PLEC: variants seen among roughly 807,000 people sequenced by gnomAD.
PLEC encodes plectin, also known as hemidesmosomal protein 1.
A neutral mutation model predicts 392.8 loss-of-function variants in PLEC; 216 were observed. The observed-to-expected ratio is 0.55, with a 90% CI of 0.49 to 0.62. The LOEUF (loss-of-function observed/expected upper bound fraction) is 0.62. Among genes scored for constraint, PLEC ranks in the 20% least tolerant of loss-of-function variants. The probability of loss-of-function intolerance (pLI) is 0.00; values close to 1 mark genes in which losing one functional copy is unlikely to be tolerated. For synonymous variants in PLEC, 3,621 were observed against 2,980.6 expected, an observed-to-expected ratio of 1.21 and a Z score of -7.00; for missense variants, 6,863 against 6,563.4, an observed-to-expected ratio of 1.05 and a Z score of -1.58.
At position 143,922,963 on chromosome 8, in the gene PLEC, G is replaced by A. The variant is rs782512705; in HGVS notation, c.6966C>T (p.Ala2322=). ...LKEKMQAVQE[A]TRLKAEAELL... The stretch of plus-strand genomic sequence containing the variant: ...GTTCCGCCTCAGCCTTGAGTCGCGT[G>A]GCCTCCTGCACCGCCTGCATCTTCT... The change falls in exon 31 of 32, where the codon GCC becomes GCT. Residue 2322 remains alanine (A), a synonymous_variant. Coordinates refer to ENST00000345136, the MANE Select transcript of PLEC (RefSeq NM_201384.3). 4 of 1,610,606 alleles carry A rather than the reference G, an allele frequency of 2.5e-6. No homozygotes were observed. Among genetic ancestry groups the A allele is most frequent in the Admixed American group, 1.7e-5 (1 of 59,752 alleles).
rs375376175 is a variant in PLEC at position 143,922,214 on chromosome 8, C to T, written c.7607G>A (p.Arg2536Gln). The change falls in exon 32 of 32, where the codon CGG (arginine) becomes CAG (glutamine). Residue 2536 changes from arginine (R) to glutamine (Q), a missense_variant. Arg to Gln is a conservative substitution (Grantham distance 43). Coordinates refer to ENST00000345136, the MANE Select transcript of PLEC (RefSeq NM_201384.3). ...KAQQLREEQQ[R>Q]QQQQMEQERQ... ...TTCCTGCTCCATCTGCTGCTGCTGC[C>T]GCTGCTGCTCCTCACGCAGCTGCTG... 111 of 1,561,922 alleles carry T rather than the reference C, an allele frequency of 7.1e-5. No homozygotes were observed. In the South Asian group the frequency reaches 9.9e-4, roughly 14 times the overall value.
intron 5 of PLEC, among the ~76,000 whole-genome samples, chr8:143,936,358 G>C (rs890393982): frequency 2.0e-5 from 3 of 152,258 alleles, no homozygotes; most frequent in Non-Finnish European, 2.9e-5. Flanking sequence ...GGATGGAGCA[G>C]AGTGGAAGGG....
At chr8:143,964,170 A>G (rs782614846) in intron 1 of PLEC, among the ~76,000 whole-genome samples, 2 of 152,176 alleles carry the variant, frequency 1.3e-5, no homozygotes, top group Non-Finnish European at 2.9e-5. Context: ...GCATGTTGGC[A>G]TAAGAAACAT....
Position 143,934,924 on chromosome 8 carries a change from C to T in PLEC, c.831G>A (p.Leu277=), listed in dbSNP as rs533254834. 1.4e-4 allele frequency: 228 copies of T among 1,611,244 alleles called. 4 individuals carry two copies. In the South Asian group the frequency reaches 2.5e-3, roughly 17 times the overall value. The change falls in exon 9 of 32, where the codon CTG becomes CTA. Residue 277 remains leucine (L), a synonymous_variant. Transcript: ENST00000345136. ...CCCGGTACTCCTGCCAGCGCAGCTGCAGCTCCTGCGGGCAGGCACGGGCGG... is the reference window on the plus strand; with the variant it reads ...CCCGGTACTCCTGCCAGCGCAGCTGTAGCTCCTGCGGGCAGGCACGGGCGG... ...DVQDGVRANE[L]QLRWQEYREL...
intron 25 of PLEC, 61 bp from the exon 26 acceptor site, chr8:143,928,053 G>A: frequency 1.3e-6 from 2 of 1,528,334 alleles, no homozygotes; most frequent in South Asian, 1.2e-5. Context: ...CCAAGGGAAT[G>A]GAACCCAAGC....
chr8:143,950,126 C>G (rs1831975273), intron 1 of PLEC: 1 of 1,457,082 alleles, frequency 6.9e-7, no homozygotes. Context: ...GGCCCAAGAC[C>G]CGACAACCAG....
At position 143,916,203 on chromosome 8, in the gene PLEC, C is replaced by G; in HGVS notation, c.13618G>C (p.Gly4540Arg). ...RYASGSSASL[G>R]GPESAVA ...CAGGCCACGGCAGACTCAGGGCCCCCCAGGGAGGCCGAGGACCCCGAGGCG... is the reference window on the plus strand; with the variant it reads ...CAGGCCACGGCAGACTCAGGGCCCCGCAGGGAGGCCGAGGACCCCGAGGCG... Residue 4540 changes from glycine (G) to arginine (R), a missense_variant, in exon 32 of 32, where the codon GGG becomes CGG. Coordinates refer to ENST00000345136, the MANE Select transcript of PLEC (RefSeq NM_201384.3). 1 of 1,543,948 alleles carries G rather than the reference C, an allele frequency of 6.5e-7. No individual in the cohort carries two copies. Among genetic ancestry groups the G allele is most frequent in the African/African-American group, 1.4e-5 (1 of 72,868 alleles).
chr8:143,926,964 G>T lies in PLEC; in HGVS notation c.3945+13C>A, dbSNP rs782700651. The T allele has an allele frequency of 6.2e-7, 1 of 1,610,756 alleles. No homozygotes were observed. The highest frequency in any genetic ancestry group is 8.5e-7 in the Non-Finnish European group (1 of 1,177,728). On this transcript the variant is annotated intron_variant, in intron 29 of 31. Transcript: ENST00000345136. ...GCCAGCCCCTCACCCAGTTAGGTTCGGCCCCACCCTACCTCCTGGATGACA... is the reference window on the plus strand; with the variant it reads ...GCCAGCCCCTCACCCAGTTAGGTTCTGCCCCACCCTACCTCCTGGATGACA...
exon 1 of PLEC, chr8:143,950,212 C>T: frequency 1.3e-6 from 2 of 1,547,482 alleles, no homozygotes; most frequent in Non-Finnish European, 1.8e-6. Context: ...CCGGGCCTGG[C>T]CTGGCCAGGG....
At position 143,923,271 on chromosome 8, in the gene PLEC, CGGCCTCCGT is replaced by C. The variant is rs782190800; in HGVS notation, c.6649_6657del (p.Thr2217_Ala2219del). On this transcript the variant is annotated inframe_deletion, in exon 31 of 32. Transcript: ENST00000345136. ...TCCTCCACCTGGCTGCGCTGGCGTG[CGGCCTCCGT>C]GGCCTCCGCCTTCAGCCGCTGCAGC... is the stretch of plus-strand genomic sequence containing the variant. 1 of 1,606,800 alleles carries C rather than the reference CGGCCTCCGT, an allele frequency of 6.2e-7. No homozygotes were observed. The highest frequency in any genetic ancestry group is 8.5e-7 in the Non-Finnish European group (1 of 1,179,826).
Position 143,930,457 on chromosome 8 carries a change from T to A in PLEC, c.2384A>T (p.Lys795Met), listed in dbSNP as rs782541394. Residue 795 changes from lysine (K) to methionine (M), a missense_variant, in exon 20 of 32, where the codon AAG becomes ATG. By Grantham distance (95) the Lys-to-Met change is moderately conservative (BLOSUM62 -1). Coordinates refer to ENST00000345136, the MANE Select transcript of PLEC (RefSeq NM_201384.3). ...CATGGGGTGGGCTGGGTGGCGGGGC[T>A]TCAGCTGCACGACGGCCTTGGCCCG... ...AKRAKAVVQL[K>M]PRHPAHPMRG... 2 of 1,582,922 alleles carry A rather than the reference T, an allele frequency of 1.3e-6. No homozygotes were observed. The highest frequency in any genetic ancestry group is 2.3e-5 in the South Asian group (2 of 87,510).
intron 4 of PLEC, 24 bp downstream of exon 4, chr8:143,937,141 C>G (rs544982589): frequency 1.9e-6 from 3 of 1,610,714 alleles, no homozygotes; most frequent in Non-Finnish European, 2.5e-6. Context: ...TGGGTGGGGC[C>G]CAGGGCCTGC....
At chr8:143,945,604 C>T (rs1236195102) in intron 1 of PLEC, among the ~76,000 whole-genome samples, 1 of 152,228 alleles carries the variant, frequency 6.6e-6, no homozygotes, top group Non-Finnish European at 1.5e-5. Context: ...CAGCAAACCC[C>T]ATGAAGTCCT....
Position 143,917,021 on chromosome 8 carries a change from A to G in PLEC, c.12800T>C (p.Leu4267Pro), listed in dbSNP as rs1820790058. The G allele has an allele frequency of 3.1e-6, 5 of 1,612,364 alleles. No individual in the cohort carries two copies. Among genetic ancestry groups the G allele is most frequent in the Non-Finnish European group, 4.2e-6 (5 of 1,179,494 alleles). The change falls in exon 32 of 32, where the codon CTG becomes CCG. Residue 4267 changes from leucine (L) to proline (P), a missense_variant. Coordinates refer to ENST00000345136, the MANE Select transcript of PLEC (RefSeq NM_201384.3). ...CTCAGTGGGGTCTGACCAGGAGGCC[A>G]GCTGGGTCCTGGAGACGGCGGGGCT... Reference protein sequence around the residue: ...PISPAVSRTQLASWSDPTEET... With the variant: ...PISPAVSRTQPASWSDPTEET...
At chr8:143,952,266 G>A (rs1292740394), upstream of PLEC, among the ~76,000 whole-genome samples, 1 of 152,180 alleles carries the variant, frequency 6.6e-6, no homozygotes, top group Non-Finnish European at 1.5e-5. Context: ...GTGGTGGCGG[G>A]GAAACTCCGA....
At chr8:143,934,250 G>A (rs1421499097) in intron 11 of PLEC, 68 bp downstream of exon 11, 3 of 1,604,930 alleles carry the variant, frequency 1.9e-6, no homozygotes, top group East Asian at 2.2e-5. Flanking sequence ...GGGCGGGGAG[G>A]GGGGTTTCCT....
intron 1 of PLEC, among the ~76,000 whole-genome samples, chr8:143,959,490 C>T (rs1832762943): frequency 6.6e-6 from 1 of 152,232 alleles, no homozygotes; most frequent in Non-Finnish European, 1.5e-5. Flanking sequence ...TGGCAGATGC[C>T]GCGCTAACCT....
Position 143,918,705 on chromosome 8 carries a change from T to C in PLEC, c.11116A>G (p.Ile3706Val). Residue 3706 changes from isoleucine to valine, a missense_variant, in exon 32 of 32, where the codon ATC becomes GTC. Transcript: ENST00000345136. ...YLPGSRQTLS[I>V]YQALKKGLLS... ...AGCCCTTTCTTGAGAGCCTGGTAGA[T>C]GCTCAGTGTCTGCCTGGAACCGGGC... 6.2e-7 allele frequency: 1 copy of C among 1,612,932 alleles called. No homozygotes were observed. The highest frequency in any genetic ancestry group is 8.5e-7 in the Non-Finnish European group (1 of 1,179,982).
Position 143,932,944 on chromosome 8 carries a change from A to C in PLEC, c.1586T>G (p.Leu529Arg). The C allele has an allele frequency of 6.2e-7, 1 of 1,612,680 alleles. No homozygotes were observed. The highest frequency in any genetic ancestry group is 8.5e-7 in the Non-Finnish European group (1 of 1,179,916). ...DSTLRYLQDL[L>R]AWVEENQHRV... is the part of the protein sequence containing the mutation. ...GTGCTGGTTCTCCTCCACCCAGGCCAGCAGGTCCTGCAGGTAGCGCAGAGT... is the reference window on the plus strand; with the variant it reads ...GTGCTGGTTCTCCTCCACCCAGGCCCGCAGGTCCTGCAGGTAGCGCAGAGT... The change falls in exon 14 of 32, where the codon CTG (leucine) becomes CGG (arginine). Residue 529 changes from leucine (L) to arginine (R), a missense_variant. Coordinates refer to ENST00000345136, the MANE Select transcript of PLEC (RefSeq NM_201384.3).
Sources: allele counts gnomAD v4.1 joint callset (sites outside exome capture counted in the v4.1 genomes callset), GRCh38; gene constraint gnomAD v4.1.1; transcripts MANE v1.5; gene names NCBI Gene and HGNC (gene_info 2026-07-23, HGNC 2026-07-21).